ZMYND11: variants seen among roughly 807,000 people sequenced by gnomAD.
The protein encoded by ZMYND11 is zinc finger MYND domain-containing protein 11.
In ZMYND11, 9 loss-of-function variants were observed where a neutral mutation model predicts 84.9. The ratio of observed to expected loss-of-function variants is 0.11; its 90% CI spans 0.06 to 0.18. The LOEUF (loss-of-function observed/expected upper bound fraction) is 0.18, where lower values mean the gene tolerates loss of function less well. Among genes scored for constraint, ZMYND11 ranks in the 10% least tolerant of loss-of-function variants. ZMYND11 has a pLI of 1.00. For synonymous variants in ZMYND11, 250 were observed against 244.1 expected (o/e 1.02, Z -0.23); for missense variants, 409 against 761.0 (o/e 0.54, Z 5.44).
chr10:222,952 C>A (rs1043918855), intron 4 of ZMYND11, among the ~76,000 whole-genome samples: 1 of 151,806 alleles, frequency 6.6e-6, no homozygotes, highest in Non-Finnish European at 1.5e-5. Flanking sequence ...AATTATTATA[C>A]CTTTGAAGAA....
intron 2 of ZMYND11, among the ~76,000 whole-genome samples, chr10:205,643 T>C (rs1943984123): frequency 6.6e-6 from 1 of 152,076 alleles, no homozygotes; most frequent in Non-Finnish European, 1.5e-5. Flanking sequence ...TGAGCCATGA[T>C]TGTGCTATTG....
At chr10:158,991 G>GTTTTTTTTTTTTTTTTTTTT (rs71374342) in intron 1 of ZMYND11, among the ~76,000 whole-genome samples, 1 of 58,576 alleles carries the variant, frequency 1.7e-5, no homozygotes, top group Non-Finnish European at 3.3e-5. Flanking sequence ...TTTGTTTTTT[G>GTTTTTTTTTTTTTTTTTTTT]TTTTTTTTTT....
intron 2 of ZMYND11, among the ~76,000 whole-genome samples, chr10:208,391 C>T (rs944850061): frequency 1.9e-4 from 29 of 152,180 alleles, no homozygotes; most frequent in African/African-American, 7.0e-4. Flanking sequence ...ACAACCTACT[C>T]ATCTGACAAA....
At chr10:230,529 C>G (rs1326596847) in intron 4 of ZMYND11, among the ~76,000 whole-genome samples, 3 of 145,976 alleles carry the variant, frequency 2.1e-5, no homozygotes, top group Non-Finnish European at 4.5e-5. Context: ...CTACCCCAGA[C>G]AGGCTCTGGG....
intron 3 of ZMYND11, among the ~76,000 whole-genome samples, chr10:215,732 A>AT (rs1946108118): frequency 4.0e-5 from 6 of 151,564 alleles, no homozygotes; most frequent in South Asian, 4.2e-4. Context: ...TAATTTTCTC[A>AT]TTTTTTGTAG....
chr10:231,602 G>A (rs1001700285), intron 4 of ZMYND11, among the ~76,000 whole-genome samples: 2 of 152,086 alleles, frequency 1.3e-5, no homozygotes, highest in African/African-American at 2.4e-5. Context: ...AATCAGCTAT[G>A]GATAAACTTG....
At position 145,260 on chromosome 10, in the gene ZMYND11, G is replaced by GTA. The variant is rs4011577; in HGVS notation, c.-20+9711_-20+9712dup. Among the ~76,000 whole-genome samples the GTA allele has an allele frequency of 1.8e-3, 270 of 149,984 alleles. 1 individual carries two copies. Among genetic ancestry groups the GTA allele is most frequent in the African/African-American group, 5.6e-3 (230 of 40,750 alleles). ...TGTGTGTGTATGTATATATATATATGTATATATATATCACTTTTTCTTTTT... is the reference window on the plus strand; with the variant it reads ...TGTGTGTGTATGTATATATATATATGTATATATATATATCACTTTTTCTTTTT... On this transcript the variant is annotated intron_variant, in intron 1 of 14. Coordinates refer to ENST00000381604, the MANE Select transcript of ZMYND11 (RefSeq NM_001370100.5).
intron 4 of ZMYND11, among the ~76,000 whole-genome samples, chr10:231,731 A>G (rs951336163): frequency 6.6e-6 from 1 of 152,162 alleles, no homozygotes; most frequent in Admixed American, 6.5e-5. Context: ...GTTACTTACA[A>G]CTGGCTTAAG....
rs1954013697 is a variant in ZMYND11, at chr10:254,387, T to G, written c.*1917T>G. The G allele has an allele frequency of 6.6e-6, 1 of 152,606 alleles. No homozygotes were observed. Among genetic ancestry groups the G allele is most frequent in the African/African-American group, 2.4e-5 (1 of 41,432 alleles). 9.5% of individuals were successfully genotyped at this position (152,606 alleles called of 1,614,324 possible). A position where few individuals can be genotyped will look rare whatever the true frequency, so the allele number is the denominator to read the frequency against. ...AAAAAACAAAATTAAAAAAAGAGAT[T>G]GTGGCCTGGTTTTGTAAAAGTTTTA... On this transcript the variant is annotated 3_prime_UTR_variant, in exon 15 of 15. Transcript: ENST00000381604.
intron 1 of ZMYND11, among the ~76,000 whole-genome samples, chr10:171,362 TCA>T (rs1320402267): frequency 6.6e-6 from 1 of 152,116 alleles, no homozygotes; most frequent in African/African-American, 2.4e-5. Flanking sequence ...TAATAGCAGA[TCA>T]CACGTTCTTC....
intron 1 of ZMYND11, among the ~76,000 whole-genome samples, chr10:145,273 ACTTTTT>A (rs1267059146): frequency 6.6e-6 from 1 of 150,676 alleles, no homozygotes; most frequent in Non-Finnish European, 1.5e-5. Flanking sequence ...TATATATATC[ACTTTTT>A]CTTTTTCCAT....
intron 2 of ZMYND11, among the ~76,000 whole-genome samples, chr10:199,872 TTCTTTTTTTTGAGACAGGG>T (rs148529242): frequency 0.24 from 35,736 of 151,686 alleles, 4,501 homozygotes; most frequent in Middle Eastern, 0.33. Flanking sequence ...AAACATTTTT[TTCTTTTTTTTGAGACAGGG>T]TCTTGTTCTG....
At chr10:238,945 A>T (rs1356348186) in intron 6 of ZMYND11, among the ~76,000 whole-genome samples, 1 of 152,174 alleles carries the variant, frequency 6.6e-6, no homozygotes, top group African/African-American at 2.4e-5. Flanking sequence ...ATGTTATTTT[A>T]AAATTATTTA....
intron 2 of ZMYND11, among the ~76,000 whole-genome samples, chr10:200,237 AAAAAT>A: frequency 4.8e-5 from 1 of 21,012 alleles, no homozygotes; most frequent in Non-Finnish European, 2.0e-4. Context: ...TAATATATAT[AAAAAT>A]ATATATATAA....
chr10:157,463 G>A (rs551686946), intron 1 of ZMYND11, among the ~76,000 whole-genome samples: 7 of 152,314 alleles, frequency 4.6e-5, no homozygotes, highest in African/African-American at 1.7e-4. Flanking sequence ...GCCTCCCAAA[G>A]TGCTGGGATG....
chr10:233,943 G>A (rs1564429145), intron 4 of ZMYND11, among the ~76,000 whole-genome samples: 1 of 152,178 alleles, frequency 6.6e-6, no homozygotes. Flanking sequence ...AGAGCGTGTA[G>A]TATCTACAAT....
chr10:136,406 G>C (rs1033093123), intron 1 of ZMYND11, among the ~76,000 whole-genome samples: 1 of 152,202 alleles, frequency 6.6e-6, no homozygotes, highest in Admixed American at 6.5e-5. Flanking sequence ...GTGCAGTGCG[G>C]TGTCCTATGC....
At chr10:242,426 T>A (rs752263545) in intron 10 of ZMYND11, among the ~76,000 whole-genome samples, 1 of 152,196 alleles carries the variant, frequency 6.6e-6, no homozygotes, top group African/African-American at 2.4e-5. Flanking sequence ...AATGTGTCCA[T>A]TCCATAATAT....
chr10:167,420 C>G (rs1844259712), intron 1 of ZMYND11, among the ~76,000 whole-genome samples: 1 of 151,992 alleles, frequency 6.6e-6, no homozygotes, highest in Non-Finnish European at 1.5e-5. Flanking sequence ...ACTGTTTTGT[C>G]AAATTGAAAA....
Sources: allele counts gnomAD v4.1 joint callset (sites outside exome capture counted in the v4.1 genomes callset), GRCh38; gene constraint gnomAD v4.1.1; transcripts MANE v1.5; gene names NCBI Gene and HGNC (gene_info 2026-07-23, HGNC 2026-07-21).